Variants in KCNG2 observed in about 807,000 individuals in gnomAD.
KCNG2 encodes the protein voltage-gated potassium channel regulatory subunit KCNG2.
KCNG2 carries 7 observed loss-of-function variants against 12.3 expected under a neutral mutation model. That is an observed-to-expected ratio of 0.57 (90% CI 0.32 to 1.07). The LOEUF is 1.07. Among genes scored for constraint, KCNG2 ranks in the 50% least tolerant of loss-of-function variants. The pLI is 0.04. For missense variants in KCNG2, 703 were observed against 726.0 expected, an observed-to-expected ratio of 0.97 and a Z score of 0.36; for synonymous variants, 414 against 351.4, an observed-to-expected ratio of 1.18 and a Z score of -1.99.
chr18:79,882,552 G>A (rs1980338465), intron 3 of KCNG2, among the ~76,000 whole-genome samples: 1 of 152,240 alleles, frequency 6.6e-6, no homozygotes, highest in Non-Finnish European at 1.5e-5. Context: ...CACCAAAGAA[G>A]ACACGCCTAT....
intron 2 of KCNG2, among the ~76,000 whole-genome samples, chr18:79,860,462 A>G (rs1979170452): frequency 6.6e-6 from 1 of 152,184 alleles, no homozygotes; most frequent in South Asian, 2.1e-4. Flanking sequence ...CAATGTTTGT[A>G]GTTTTCAGTT....
Position 79,863,903 on chromosome 18 carries a change from G to A in KCNG2, c.236G>A (p.Arg79His). Residue 79 changes from arginine to histidine, a missense_variant, in exon 3 of 4, where the codon CGC (arginine) becomes CAC (histidine). Physicochemically the swap from Arg to His is conservative, Grantham distance 29. Coordinates refer to ENST00000316249, the MANE Select transcript of KCNG2 (RefSeq NM_012283.2). The stretch of plus-strand genomic sequence containing the variant: ...TTCGACCGCAGCCCGTGCGCCTTCC[G>A]CGCCATCGTGGCGCTTTTGCGCGCA... ...FFFDRSPCAFRAIVALLRAGK... is the reference protein window; with the variant it reads ...FFFDRSPCAFHAIVALLRAGK... 7.0e-7 allele frequency: 1 copy of A among 1,433,054 alleles called. No homozygotes were observed. The highest frequency in any genetic ancestry group is 9.2e-7 in the Non-Finnish European group (1 of 1,089,316). 88.8% of individuals were successfully genotyped at this position (1,433,054 alleles called of 1,614,324 possible).
chr18:79,874,370 G>A (rs1288223663), intron 3 of KCNG2, among the ~76,000 whole-genome samples: 1 of 152,228 alleles, frequency 6.6e-6, no homozygotes, highest in Non-Finnish European at 1.5e-5. Flanking sequence ...CCGTCACAGC[G>A]GAGGCGAAGA....
At chr18:79,802,588 C>T (rs2087419095) in intron 1 of KCNG2, among the ~76,000 whole-genome samples, 2 of 152,260 alleles carry the variant, frequency 1.3e-5, no homozygotes, top group African/African-American at 4.8e-5. Flanking sequence ...TTCTCCAGCT[C>T]AGGTTCACAC....
rs148052108 is a variant in KCNG2 at position 79,867,764 on chromosome 18, C to T, written c.624+3473C>T. Reference sequence around the variant, plus strand: ...CCACACCAGGAGGCAGAGCACCCCACCAGGTGGGGGTCGGGCACCCCTCCC... The same window carrying T: ...CCACACCAGGAGGCAGAGCACCCCATCAGGTGGGGGTCGGGCACCCCTCCC... On this transcript the variant is annotated intron_variant, in intron 3 of 3. Coordinates refer to ENST00000316249, the MANE Select transcript of KCNG2 (RefSeq NM_012283.2). Among the ~76,000 whole-genome samples the T allele has an allele frequency of 4.5e-3, 678 of 152,052 alleles. 5 individuals carry two copies. The highest frequency in any genetic ancestry group is 0.015 in the African/African-American group (630 of 41,368).
chr18:79,894,971 T>C (rs1323302240), intron 3 of KCNG2, among the ~76,000 whole-genome samples: 1 of 144,872 alleles, frequency 6.9e-6, no homozygotes, highest in Non-Finnish European at 1.6e-5. Context: ...GGGGTCTCTG[T>C]CTGCTTTAGA....
chr18:79,818,738 G>A lies in KCNG2; in HGVS notation c.-115+20724G>A, dbSNP rs1168884267. Among the ~76,000 whole-genome samples the A allele has an allele frequency of 4.6e-5, 7 of 152,286 alleles. No individual in the cohort carries two copies. In the East Asian group the frequency reaches 9.7e-4, roughly 21 times the overall value. ...CAGTTCGTACCTGCGAGAGACGTCC[G>A]TGTCCTGAGGCAGAAATGACTGGGA... On this transcript the variant is annotated intron_variant, in intron 1 of 3. Coordinates refer to ENST00000316249, the MANE Select transcript of KCNG2 (RefSeq NM_012283.2).
chr18:79,866,192 T>TGA (rs1979530128), intron 3 of KCNG2, among the ~76,000 whole-genome samples: 1 of 137,212 alleles, frequency 7.3e-6, no homozygotes, highest in African/African-American at 2.8e-5. Flanking sequence ...GTCTGTGGGC[T>TGA]GAAGTCTGCG....
At chr18:79,810,107 C>A (rs1256072295) in intron 1 of KCNG2, among the ~76,000 whole-genome samples, 2 of 152,204 alleles carry the variant, frequency 1.3e-5, no homozygotes, top group African/African-American at 4.8e-5. Context: ...CCTGTGTCAG[C>A]ACCCAGCTGG....
intron 1 of KCNG2, among the ~76,000 whole-genome samples, chr18:79,853,297 C>A (rs1415409179): frequency 6.6e-6 from 1 of 152,176 alleles, no homozygotes; most frequent in Non-Finnish European, 1.5e-5. Context: ...TGGGCTTCAG[C>A]GTGAACCAAG....
rs182281110 is a variant in KCNG2 at position 79,823,509 on chromosome 18, A to T, written c.-115+25495A>T. On this transcript the variant is annotated intron_variant, in intron 1 of 3. Coordinates refer to ENST00000316249, the MANE Select transcript of KCNG2 (RefSeq NM_012283.2). ...TTTTTGCCAGTCTCATGGGTGAGAA[A>T]TGGTATCTCAGTATTGTTTTAATCT... Among the ~76,000 whole-genome samples, 1,451 of 152,268 alleles carry T rather than the reference A, an allele frequency of 9.5e-3. 31 individuals carry two copies. Among genetic ancestry groups the T allele is most frequent in the African/African-American group, 0.033 (1,380 of 41,544 alleles).
At chr18:79,857,374 G>A in intron 2 of KCNG2, among the ~76,000 whole-genome samples, 1 of 151,826 alleles carries the variant, frequency 6.6e-6, no homozygotes, top group Middle Eastern at 3.4e-3. Context: ...CTCCCATTCA[G>A]AAGCGACTTA....
chr18:79,862,223 G>A (rs1979247081), intron 2 of KCNG2, among the ~76,000 whole-genome samples: 1 of 152,124 alleles, frequency 6.6e-6, no homozygotes, highest in African/African-American at 2.4e-5. Flanking sequence ...TTTAATAAGT[G>A]GCAGTTCTGG....
chr18:79,841,076 C>G (rs1978446237), intron 1 of KCNG2, among the ~76,000 whole-genome samples: 1 of 152,008 alleles, frequency 6.6e-6, no homozygotes, highest in Non-Finnish European at 1.5e-5. Context: ...TCGAGACTAG[C>G]CTGAGCAACA....
intron 1 of KCNG2, among the ~76,000 whole-genome samples, chr18:79,834,229 G>C (rs138028620): frequency 1.3e-5 from 2 of 152,214 alleles, no homozygotes; most frequent in African/African-American, 4.8e-5. Flanking sequence ...CGTTTGCCTC[G>C]GCGGCACCAG....
chr18:79,855,759 G>A (rs984707488), intron 1 of KCNG2, among the ~76,000 whole-genome samples: 4 of 152,176 alleles, frequency 2.6e-5, no homozygotes, highest in South Asian at 4.2e-4. Context: ...GGCCATTCCC[G>A]TTCACCTCTG....
At chr18:79,881,544 C>T (rs958861944) in intron 3 of KCNG2, among the ~76,000 whole-genome samples, 2 of 152,202 alleles carry the variant, frequency 1.3e-5, no homozygotes, top group African/African-American at 4.8e-5. Flanking sequence ...GTCTCACAGC[C>T]TAGGTCCAGG....
At chr18:79,856,983 T>C (rs1284259839) in intron 2 of KCNG2, among the ~76,000 whole-genome samples, 1 of 101,076 alleles carries the variant, frequency 9.9e-6, no homozygotes, top group Non-Finnish European at 2.0e-5. Flanking sequence ...GATGCCCTGC[T>C]CCAGCCCTTC....
chr18:79,861,977 CT>C (rs1030413549), intron 2 of KCNG2, among the ~76,000 whole-genome samples: 2 of 152,192 alleles, frequency 1.3e-5, no homozygotes, highest in East Asian at 1.9e-4. Flanking sequence ...ATTTCTATCA[CT>C]TTTTTTTAAT....
Sources: gnomAD v4.1 joint callset for allele counts (sites outside exome capture counted in the v4.1 genomes callset) on GRCh38, gnomAD v4.1.1 for gene constraint, MANE v1.5 for transcripts, NCBI Gene and HGNC (gene_info 2026-07-23, HGNC 2026-07-21) for gene names.